ASTN2: variants seen among roughly 807,000 people sequenced by gnomAD.
The protein encoded by ASTN2 is astrotactin-2.
In ASTN2, 54 loss-of-function variants were observed where a neutral mutation model predicts 139.8. The observed-to-expected ratio is 0.39, with a 90% CI of 0.31 to 0.48. The LOEUF (loss-of-function observed/expected upper bound fraction) is 0.48, where lower values mean the gene tolerates loss of function less well. Ranked by LOEUF, ASTN2 falls within the 20% of genes least tolerant of loss-of-function variation. The pLI is 0.95. For missense variants in ASTN2, 1,565 were observed against 1,725.1 expected (o/e 0.91, Z 1.64); for synonymous variants, 756 against 719.5 (o/e 1.05, Z -0.81).
At chr9:117,262,657 C>G (rs148950842) in intron 2 of ASTN2, among the ~76,000 whole-genome samples, 61 of 152,124 alleles carry the variant, frequency 4.0e-4, no homozygotes, top group Non-Finnish European at 8.4e-4. Context: ...ATGTCCAAGT[C>G]TTTATACTCA....
chr9:116,532,359 G>C (rs559628555), intron 19 of ASTN2, among the ~76,000 whole-genome samples: 4 of 152,164 alleles, frequency 2.6e-5, no homozygotes, highest in Non-Finnish European at 4.4e-5. Context: ...GAAGCTCTTT[G>C]GTTTAATTAG....
chr9:116,607,840 A>G (rs1855295235), intron 19 of ASTN2, among the ~76,000 whole-genome samples: 1 of 152,156 alleles, frequency 6.6e-6, no homozygotes, highest in Non-Finnish European at 1.5e-5. Context: ...ACGCACCTGT[A>G]GTCCCAGCTA....
intron 3 of ASTN2, among the ~76,000 whole-genome samples, chr9:117,141,887 T>A (rs1456808978): frequency 6.6e-6 from 1 of 152,034 alleles, no homozygotes; most frequent in Non-Finnish European, 1.5e-5. Context: ...CTGAAAAGGG[T>A]CATCACACCC....
chr9:116,516,670 A>T (rs1383668001), intron 19 of ASTN2, among the ~76,000 whole-genome samples: 5 of 152,324 alleles, frequency 3.3e-5, no homozygotes, highest in Non-Finnish European at 5.9e-5. Context: ...ATGACAAAAA[A>T]CTGTGAGTCA....
At chr9:116,583,987 T>C (rs903042274) in intron 19 of ASTN2, 1 of 152,192 alleles carries the variant, frequency 6.6e-6, no homozygotes, top group Non-Finnish European at 1.5e-5. Flanking sequence ...TTTCCTATTA[T>C]GTCTCCATAA....
chr9:116,918,320 T>C (rs2132431658), intron 10 of ASTN2, among the ~76,000 whole-genome samples: 1 of 152,276 alleles, frequency 6.6e-6, no homozygotes, highest in East Asian at 1.9e-4. Flanking sequence ...TGCAGGTGAC[T>C]AGCAGTGGAG....
chr9:116,671,263 A>G (rs556752026), intron 16 of ASTN2, among the ~76,000 whole-genome samples: 1 of 152,294 alleles, frequency 6.6e-6, no homozygotes, highest in East Asian at 1.9e-4. Context: ...CATCATAATG[A>G]TTATATTAAG....
intron 16 of ASTN2, among the ~76,000 whole-genome samples, chr9:116,687,831 G>C (rs977737475): frequency 1.3e-5 from 2 of 151,948 alleles, no homozygotes; most frequent in South Asian, 4.2e-4. Flanking sequence ...GCAAGGACAG[G>C]GTCTGAGATG....
chr9:116,663,109 T>C (rs2131964243), intron 16 of ASTN2, among the ~76,000 whole-genome samples: 1 of 152,308 alleles, frequency 6.6e-6, no homozygotes, highest in East Asian at 1.9e-4. Context: ...TTCCTCCTCC[T>C]TCCAATCACT....
intron 19 of ASTN2, among the ~76,000 whole-genome samples, chr9:116,573,017 A>G (rs942242193): frequency 1.3e-5 from 2 of 149,456 alleles, no homozygotes; most frequent in African/African-American, 4.9e-5. Flanking sequence ...GTACATGCAC[A>G]CACACACACA....
At chr9:117,307,138 A>T (rs1473517372) in intron 1 of ASTN2, among the ~76,000 whole-genome samples, 1 of 152,226 alleles carries the variant, frequency 6.6e-6, no homozygotes, top group African/African-American at 2.4e-5. Context: ...ACCCATTTAT[A>T]TGTCTGTTCT....
intron 19 of ASTN2, among the ~76,000 whole-genome samples, chr9:116,497,582 CT>C (rs1849707955): frequency 1.3e-5 from 2 of 152,164 alleles, no homozygotes; most frequent in Admixed American, 1.3e-4. Context: ...TAAAGCCTTC[CT>C]TTTTCTACTG....
intron 2 of ASTN2, among the ~76,000 whole-genome samples, chr9:117,215,232 ATGAGACAGTAGT>A (rs372917780): frequency 2.0e-5 from 3 of 152,150 alleles, no homozygotes; most frequent in African/African-American, 7.2e-5. Flanking sequence ...CTGAAAGATC[ATGAGACAGTAGT>A]AGGCTGTCTT....
At chr9:117,014,429 A>G (rs942150542) in intron 6 of ASTN2, among the ~76,000 whole-genome samples, 2 of 152,058 alleles carry the variant, frequency 1.3e-5, no homozygotes, top group Non-Finnish European at 2.9e-5. Context: ...ACTCTGGAGG[A>G]ACATTATCGT....
At chr9:116,790,634 A>C (rs960589258) in intron 13 of ASTN2, among the ~76,000 whole-genome samples, 4 of 151,842 alleles carry the variant, frequency 2.6e-5, no homozygotes, top group Admixed American at 6.6e-5. Context: ...CCTTCTGCAC[A>C]AGAATAGGGA....
At chr9:117,402,362 T>C (rs1830857171) in intron 1 of ASTN2, among the ~76,000 whole-genome samples, 1 of 152,164 alleles carries the variant, frequency 6.6e-6, no homozygotes, top group African/African-American at 2.4e-5. Context: ...CACTGCACCC[T>C]GCCTGAAAAT....
chr9:116,555,154 T>G (rs1852544273), intron 19 of ASTN2, among the ~76,000 whole-genome samples: 2 of 152,186 alleles, frequency 1.3e-5, no homozygotes, highest in Non-Finnish European at 2.9e-5. Context: ...AAAACGGGTC[T>G]ATAGAGACTG....
intron 5 of ASTN2, among the ~76,000 whole-genome samples, chr9:117,055,517 T>C (rs1587910280): frequency 6.6e-6 from 1 of 151,626 alleles, no homozygotes; most frequent in Admixed American, 6.6e-5. Flanking sequence ...TGAAGACCTA[T>C]GAAGGATGAG....
At chr9:117,300,385 T>C (rs905697290) in intron 1 of ASTN2, among the ~76,000 whole-genome samples, 1 of 152,224 alleles carries the variant, frequency 6.6e-6, no homozygotes, top group African/African-American at 2.4e-5. Flanking sequence ...TTATTTAGCA[T>C]GCTGCAGGTG....
Sources: gnomAD v4.1 joint callset for allele counts (sites outside exome capture counted in the v4.1 genomes callset) on GRCh38, gnomAD v4.1.1 for gene constraint, MANE v1.5 for transcripts, NCBI Gene and HGNC (gene_info 2026-07-23, HGNC 2026-07-21) for gene names.